PSMD9: variants seen among roughly 807,000 people sequenced by gnomAD.
PSMD9 encodes proteasome 26S subunit, non-ATPase 9, also known as 26S proteasome non-ATPase regulatory subunit 9.
Under a neutral mutation model 25.9 loss-of-function variants are expected in PSMD9, and 26 were observed. The ratio of observed to expected loss-of-function variants is 1.00; its 90% CI spans 0.73 to 1.39. The LOEUF is 1.39. Ranked by LOEUF, PSMD9 falls within the 40% of genes most tolerant of loss-of-function variation. The pLI is 0.00. For missense variants in PSMD9, 303 were observed against 299.3 expected (o/e 1.01, Z -0.09); for synonymous variants, 110 against 114.5 (o/e 0.96, Z 0.25).
chr12:121,909,191 A>G (rs1419826059), intron 4 of PSMD9, among the ~76,000 whole-genome samples: 4 of 151,990 alleles, frequency 2.6e-5, no homozygotes, highest in Non-Finnish European at 4.4e-5. Flanking sequence ...AACCTGATGG[A>G]GTGTGTCAAG....
At chr12:121,899,579 A>C in intron 2 of PSMD9, 55 bp from the exon 3 acceptor site, 1 of 1,457,642 alleles carries the variant, frequency 6.9e-7, no homozygotes, top group Non-Finnish European at 9.3e-7. Context: ...TAAATGTAGG[A>C]GTCTTGTGTC....
chr12:121,900,814 A>G (rs962129278), intron 3 of PSMD9, among the ~76,000 whole-genome samples: 5 of 151,628 alleles, frequency 3.3e-5, no homozygotes, highest in African/African-American at 9.7e-5. Flanking sequence ...GCGAAACCCC[A>G]TCTCTACTAA....
chr12:121,891,838 G>T (rs1356495418), intron 1 of PSMD9, among the ~76,000 whole-genome samples: 1 of 149,990 alleles, frequency 6.7e-6, no homozygotes, highest in Non-Finnish European at 1.5e-5. Context: ...CCTGGGAGGC[G>T]GAGGTTGCAG....
intron 3 of PSMD9, 125 bp downstream of exon 3, chr12:121,899,970 A>G: frequency 8.9e-7 from 1 of 1,119,168 alleles, no homozygotes; most frequent in Non-Finnish European, 1.3e-6. Flanking sequence ...TTACTCATTT[A>G]ACAAACACTG....
At chr12:121,897,963 C>T (rs771878475) in intron 2 of PSMD9, 6 of 152,182 alleles carry the variant, frequency 3.9e-5, no homozygotes, top group African/African-American at 1.2e-4. Context: ...AATAGTCGTT[C>T]GTTCCATTCC....
chr12:121,888,818 CG>C lies in PSMD9; in HGVS notation c.-36del. The C allele has an allele frequency of 1.9e-6, 3 of 1,584,300 alleles. No homozygotes were observed. The highest frequency in any genetic ancestry group is 2.6e-6 in the Non-Finnish European group (3 of 1,166,446). On this transcript the variant is annotated 5_prime_UTR_variant, in exon 1 of 6. Coordinates refer to ENST00000541212, the MANE Select transcript of PSMD9 (RefSeq NM_002813.7). ...GTCGACTGGGGCGTCGTCCCTAGCC[CG>C]GGAGCCGGGTCTCTGGAGTCGCGGC...
At chr12:121,889,074 A>G (rs529171442) in intron 1 of PSMD9, 80 bp downstream of exon 1, 4 of 1,504,378 alleles carry the variant, frequency 2.7e-6, no homozygotes, top group Non-Finnish European at 3.6e-6. Flanking sequence ...GGGCGGCCTC[A>G]GTTTGGGCGC....
Position 121,915,870 on chromosome 12 carries a change from G to A in PSMD9, c.570G>A (p.Val190=), listed in dbSNP as rs772672141. Residue 190 remains valine, a synonymous_variant, in exon 5 of 6, where the codon GTG becomes GTA. Coordinates refer to ENST00000541212, the MANE Select transcript of PSMD9 (RefSeq NM_002813.7). ...VQHSEGKPLN[V]TVIRRGEKHQ... ...TTTCTTTTCAGAAGCCCCTGAATGT[G>A]ACAGTGATCCGCAGGGGGGAAAAAC... is the stretch of plus-strand genomic sequence containing the variant. 3.7e-6 allele frequency: 6 copies of A among 1,613,592 alleles called. No individual in the cohort carries two copies. Among genetic ancestry groups the A allele is most frequent in the Non-Finnish European group, 5.1e-6 (6 of 1,179,788 alleles).
chr12:121,914,872 A>G (rs1038734437), intron 4 of PSMD9: 3 of 152,256 alleles, frequency 2.0e-5, no homozygotes, highest in African/African-American at 7.2e-5. Flanking sequence ...AAAGCAATAC[A>G]TACGCATGGT....
intron 1 of PSMD9, among the ~76,000 whole-genome samples, chr12:121,889,469 C>T (rs976846962): frequency 6.6e-6 from 1 of 152,174 alleles, no homozygotes; most frequent in African/African-American, 2.4e-5. Context: ...CCTTCCACCT[C>T]GGCCTTTCAA....
Position 121,899,700 on chromosome 12 carries a change from GCGA to G in PSMD9, c.310_312del (p.Asp104del), listed in dbSNP as rs771053894. ...GAGGCCCTGCACCAGCTGCACGCTC[GCGA>G]CAAGGAGAAGCAGGCCCGGGACATG... On this transcript the variant is annotated inframe_deletion, in exon 3 of 6. Transcript: ENST00000541212. 6.2e-7 allele frequency: 1 copy of G among 1,614,052 alleles called. No homozygotes were observed. The highest frequency in any genetic ancestry group is 1.1e-5 in the South Asian group (1 of 91,066).
chr12:121,911,081 C>T (rs914862531), intron 4 of PSMD9: 1 of 444,336 alleles, frequency 2.3e-6, no homozygotes, highest in African/African-American at 2.0e-5. Flanking sequence ...GCTCTGTTGC[C>T]CAGGCTGGAG....
intron 4 of PSMD9, among the ~76,000 whole-genome samples, chr12:121,907,150 A>G (rs1306905239): frequency 6.7e-6 from 1 of 150,120 alleles, no homozygotes; most frequent in East Asian, 2.0e-4. Flanking sequence ...GCTCACTGCA[A>G]CCTCCGCCTC....
intron 2 of PSMD9, among the ~76,000 whole-genome samples, chr12:121,896,450 A>G (rs1368415116): frequency 6.6e-6 from 1 of 152,036 alleles, no homozygotes; most frequent in Non-Finnish European, 1.5e-5. Flanking sequence ...ACCCTGGGCG[A>G]CAGAGCAAAC....
At chr12:121,902,874 C>T in intron 3 of PSMD9, 132 bp from the exon 4 acceptor site, 1 of 699,240 alleles carries the variant, frequency 1.4e-6, no homozygotes, top group Non-Finnish European at 2.5e-6. Flanking sequence ...CATCCCTGAC[C>T]TCTTTGTTCT....
At chr12:121,893,049 T>G (rs1307038430) in intron 1 of PSMD9, among the ~76,000 whole-genome samples, 1 of 152,134 alleles carries the variant, frequency 6.6e-6, no homozygotes, top group Non-Finnish European at 1.5e-5. Context: ...ATTGCAGGAT[T>G]GTAGAGAATT....
intron 1 of PSMD9, among the ~76,000 whole-genome samples, chr12:121,890,572 A>T (rs563481650): frequency 6.6e-6 from 1 of 152,046 alleles, no homozygotes; most frequent in East Asian, 1.9e-4. Flanking sequence ...GTGTCAAGCA[A>T]TCCTCCCACC....
intron 1 of PSMD9, among the ~76,000 whole-genome samples, chr12:121,890,626 C>A (rs1184241655): frequency 6.6e-6 from 1 of 152,010 alleles, no homozygotes; most frequent in African/African-American, 2.4e-5. Flanking sequence ...TGCCACCACG[C>A]CCAGCTAATT....
intron 4 of PSMD9, among the ~76,000 whole-genome samples, chr12:121,913,579 G>C (rs376335556): frequency 1.1e-4 from 16 of 148,822 alleles, no homozygotes; most frequent in Middle Eastern, 7.0e-3. Flanking sequence ...GCAGCCTTGA[G>C]CTTCTGGGCT....
Sources: allele counts gnomAD v4.1 joint callset (sites outside exome capture counted in the v4.1 genomes callset), GRCh38; gene constraint gnomAD v4.1.1; transcripts MANE v1.5; gene names NCBI Gene and HGNC (gene_info 2026-07-23, HGNC 2026-07-21).